ZMYND11: variants seen among roughly 807,000 people sequenced by gnomAD.
ZMYND11 encodes the protein zinc finger MYND domain-containing protein 11.
A neutral mutation model predicts 84.9 loss-of-function variants in ZMYND11; 9 were observed. That is an observed-to-expected ratio of 0.11 (90% CI 0.06 to 0.18). The LOEUF is 0.18. Among genes scored for constraint, ZMYND11 ranks in the 10% least tolerant of loss-of-function variants. The pLI is 1.00. For missense variants in ZMYND11, 409 were observed against 761.0 expected (o/e 0.54, Z 5.44); for synonymous variants, 250 against 244.1 (o/e 1.02, Z -0.23).
intron 2 of ZMYND11, among the ~76,000 whole-genome samples, chr10:185,529 G>A (rs920627281): frequency 1.4e-5 from 2 of 145,022 alleles, no homozygotes; most frequent in African/African-American, 2.5e-5. Context: ...GGGTGGGGGC[G>A]CGGGGTGGGC....
At chr10:198,756 A>G (rs1171050907) in intron 2 of ZMYND11, among the ~76,000 whole-genome samples, 1 of 152,272 alleles carries the variant, frequency 6.6e-6, no homozygotes, top group Admixed American at 6.5e-5. Flanking sequence ...TGCATATTGC[A>G]TGTTCTTTCA....
chr10:241,562 T>C (rs1950939447), intron 9 of ZMYND11, among the ~76,000 whole-genome samples: 2 of 152,268 alleles, frequency 1.3e-5, no homozygotes, highest in Non-Finnish European at 2.9e-5. Flanking sequence ...TCTGTAGCTG[T>C]ATAATTTCCC....
chr10:241,829 A>G (rs1951006223), intron 9 of ZMYND11, among the ~76,000 whole-genome samples, 192 bp from the exon 10 acceptor site: 1 of 152,148 alleles, frequency 6.6e-6, no homozygotes, highest in South Asian at 2.1e-4. Context: ...TCTGAGGAAT[A>G]AGGTTCATGT....
At chr10:157,956 A>T (rs1327347619) in intron 1 of ZMYND11, among the ~76,000 whole-genome samples, 2 of 152,240 alleles carry the variant, frequency 1.3e-5, no homozygotes, top group African/African-American at 2.4e-5. Context: ...AAATGAAATC[A>T]TATAATATGT....
chr10:188,383 T>C (rs1242406685), intron 2 of ZMYND11, among the ~76,000 whole-genome samples: 2 of 151,698 alleles, frequency 1.3e-5, no homozygotes, highest in Non-Finnish European at 2.9e-5. Flanking sequence ...GCTCAGGAGC[T>C]TCAAAACCAG....
intron 4 of ZMYND11, among the ~76,000 whole-genome samples, chr10:230,565 C>G (rs1948866472): frequency 6.7e-6 from 1 of 150,310 alleles, no homozygotes; most frequent in Non-Finnish European, 1.5e-5. Context: ...ATCTACATTT[C>G]CAGTAAGTGC....
At chr10:200,205 G>GGTGTGTGTGTGTGTGTGTGT (rs71374347) in intron 2 of ZMYND11, among the ~76,000 whole-genome samples, 8,077 of 132,336 alleles carry the variant, frequency 0.061, 344 homozygotes, top group East Asian at 0.097. Context: ...GCCTGGCTAG[G>GGTGTGTGTGTGTGTGTGTGT]GTGTGTGTGT....
intron 3 of ZMYND11, among the ~76,000 whole-genome samples, chr10:215,310 A>C (rs1945987439): frequency 1.3e-5 from 2 of 152,298 alleles, no homozygotes; most frequent in East Asian, 1.9e-4. Flanking sequence ...ATATGAGTTT[A>C]AAATATTAAA....
chr10:243,848 CAGTG>C (rs1951564776), intron 10 of ZMYND11, among the ~76,000 whole-genome samples: 1 of 152,100 alleles, frequency 6.6e-6, no homozygotes, highest in South Asian at 2.1e-4. Flanking sequence ...CTGGGCGACA[CAGTG>C]AGACTCCGTC....
intron 4 of ZMYND11, among the ~76,000 whole-genome samples, chr10:222,080 C>T (rs565607806): frequency 6.6e-6 from 1 of 152,222 alleles, no homozygotes; most frequent in Admixed American, 6.5e-5. Flanking sequence ...TGATTGCAAC[C>T]TCTATTATTT....
intron 1 of ZMYND11, among the ~76,000 whole-genome samples, chr10:142,329 G>T (rs1037941173): frequency 2.0e-5 from 3 of 152,160 alleles, no homozygotes; most frequent in Non-Finnish European, 4.4e-5. Flanking sequence ...CTGAGCTCAA[G>T]CGAACCACCT....
intron 14 of ZMYND11, among the ~76,000 whole-genome samples, chr10:251,521 T>G (rs1953496510): frequency 6.6e-6 from 1 of 152,220 alleles, no homozygotes; most frequent in African/African-American, 2.4e-5. Flanking sequence ...TCTGCATGTG[T>G]CTATCTACAG....
At chr10:238,591 C>T (rs1261364636) in intron 6 of ZMYND11, among the ~76,000 whole-genome samples, 2 of 152,204 alleles carry the variant, frequency 1.3e-5, no homozygotes, top group East Asian at 1.9e-4. Flanking sequence ...CTCCTGACCT[C>T]GTGATCTGCC....
At chr10:189,763 A>G (rs1435535614) in intron 2 of ZMYND11, among the ~76,000 whole-genome samples, 1 of 152,110 alleles carries the variant, frequency 6.6e-6, no homozygotes, top group Non-Finnish European at 1.5e-5. Context: ...ATAAAATAAT[A>G]AGGCGGTAGT....
At position 144,879 on chromosome 10, in the gene ZMYND11, AAAATATT is replaced by A. The variant is rs778704349; in HGVS notation, c.-20+9331_-20+9337del. ...AGTGTACATTGTACCCAATATTTTT[AAAATATT>A]AAATATTAAAGAGATTTTTAAAATT... On this transcript the variant is annotated intron_variant, in intron 1 of 14. Coordinates refer to ENST00000381604, the MANE Select transcript of ZMYND11 (RefSeq NM_001370100.5). Among the ~76,000 whole-genome samples the A allele has an allele frequency of 1.6e-3, 236 of 150,602 alleles. 2 individuals carry two copies. The highest frequency in any genetic ancestry group is 2.8e-3 in the Non-Finnish European group (191 of 67,694).
intron 1 of ZMYND11, among the ~76,000 whole-genome samples, chr10:136,359 G>C (rs114996501): frequency 2.6e-5 from 4 of 152,184 alleles, no homozygotes; most frequent in African/African-American, 9.7e-5. Flanking sequence ...CAGAGTGACC[G>C]CCGTACCTGT....
At chr10:251,176 G>C (rs1284647049) in intron 14 of ZMYND11, among the ~76,000 whole-genome samples, 2 of 152,162 alleles carry the variant, frequency 1.3e-5, no homozygotes, top group Non-Finnish European at 2.9e-5. Context: ...TATATCCCCA[G>C]AAAGGGAGAA....
intron 1 of ZMYND11, among the ~76,000 whole-genome samples, chr10:172,113 A>T (rs1359980153): frequency 6.6e-6 from 1 of 152,188 alleles, no homozygotes; most frequent in African/African-American, 2.4e-5. Context: ...TTATAAGGGC[A>T]TTAATCCCAT....
intron 6 of ZMYND11, among the ~76,000 whole-genome samples, chr10:237,900 G>A (rs568641554): frequency 6.6e-6 from 1 of 152,240 alleles, no homozygotes; most frequent in African/African-American, 2.4e-5. Context: ...ATCTTTAAAA[G>A]GCCTGGTTTT....
Sources: allele counts gnomAD v4.1 joint callset (sites outside exome capture counted in the v4.1 genomes callset), GRCh38; gene constraint gnomAD v4.1.1; transcripts MANE v1.5; gene names NCBI Gene and HGNC (gene_info 2026-07-23, HGNC 2026-07-21).